Variants in SCOC observed in about 807,000 individuals in gnomAD.
The protein encoded by SCOC is short coiled-coil protein, also known as short coiled coil protein.
SCOC carries 7 observed loss-of-function variants against 9.9 expected under a neutral mutation model. That is an observed-to-expected ratio of 0.71 (90% confidence interval 0.40 to 1.33). SCOC has a LOEUF of 1.33. Among genes scored for constraint, SCOC ranks in the 40% most tolerant of loss-of-function variants. SCOC has a pLI of 0.01. For missense variants in SCOC, 66 were observed against 89.7 expected (o/e 0.74, Z 1.07); for synonymous variants, 19 against 28.2 (o/e 0.67, Z 1.03).
chr4:140,288,957 T>C (rs1398131699), intron 1 of SCOC, among the ~76,000 whole-genome samples: 1 of 151,886 alleles, frequency 6.6e-6, no homozygotes, highest in Non-Finnish European at 1.5e-5. Context: ...ACCACATACC[T>C]GATCACACAA....
intron 1 of SCOC, among the ~76,000 whole-genome samples, chr4:140,278,131 T>C (rs1459517984): frequency 1.3e-5 from 2 of 152,222 alleles, no homozygotes; most frequent in Admixed American, 6.5e-5. Context: ...GGATAATTTA[T>C]AAACAGCGGA....
chr4:140,322,399 G>C (rs1327228547), intron 1 of SCOC, among the ~76,000 whole-genome samples: 1 of 152,142 alleles, frequency 6.6e-6, no homozygotes, highest in Non-Finnish European at 1.5e-5. Context: ...TACTCAAGTG[G>C]TCATGAACGG....
intron 2 of SCOC, among the ~76,000 whole-genome samples, chr4:140,364,008 C>T (rs548028978): frequency 2.0e-5 from 3 of 151,984 alleles, no homozygotes; most frequent in South Asian, 4.2e-4. Flanking sequence ...GGTTGCCCAC[C>T]GTTTCAAGAT....
chr4:140,316,871 C>T (rs1732335845), intron 1 of SCOC, among the ~76,000 whole-genome samples: 1 of 152,150 alleles, frequency 6.6e-6, no homozygotes, highest in South Asian at 2.1e-4. Flanking sequence ...GCAAGCAATA[C>T]TAAATCTCTT....
intron 2 of SCOC, among the ~76,000 whole-genome samples, chr4:140,346,374 G>A (rs1726739666): frequency 6.6e-6 from 1 of 152,174 alleles, no homozygotes; most frequent in Admixed American, 6.6e-5. Context: ...AGGACCACTT[G>A]TTTCTAATTC....
chr4:140,366,455 G>A, intron 2 of SCOC: 1 of 1,530,068 alleles, frequency 6.5e-7, no homozygotes, highest in Non-Finnish European at 9.0e-7. Flanking sequence ...TTTGGGAGAA[G>A]CTTTTGGAGA....
At chr4:140,337,769 A>T (rs1048194759) in intron 1 of SCOC, among the ~76,000 whole-genome samples, 1 of 152,208 alleles carries the variant, frequency 6.6e-6, no homozygotes, top group African/African-American at 2.4e-5. Flanking sequence ...AGAATCTCTG[A>T]ATAGACCAAT....
intron 1 of SCOC, among the ~76,000 whole-genome samples, chr4:140,336,089 A>G (rs1732949317): frequency 6.6e-6 from 1 of 152,134 alleles, no homozygotes; most frequent in African/African-American, 2.4e-5. Context: ...TCTTCCGTTG[A>G]ATTTGAATTG....
intron 1 of SCOC, among the ~76,000 whole-genome samples, chr4:140,260,885 C>A (rs1488867804): frequency 1.3e-5 from 2 of 152,004 alleles, no homozygotes; most frequent in African/African-American, 2.4e-5. Context: ...ATTCCAGGAC[C>A]ATTTGCCATG....
chr4:140,359,563 T>C (rs1009363619), intron 2 of SCOC, among the ~76,000 whole-genome samples: 1 of 152,168 alleles, frequency 6.6e-6, no homozygotes, highest in Non-Finnish European at 1.5e-5. Context: ...TGTGAGGGCA[T>C]GTCAAGGGAT....
At chr4:140,303,918 A>G (rs1371574515) in intron 1 of SCOC, among the ~76,000 whole-genome samples, 1 of 152,230 alleles carries the variant, frequency 6.6e-6, no homozygotes, top group Non-Finnish European at 1.5e-5. Flanking sequence ...CGATTTGCTC[A>G]TTTAATCATT....
At chr4:140,291,362 C>T in intron 1 of SCOC, 2 of 455,086 alleles carry the variant, frequency 4.4e-6, no homozygotes, top group Non-Finnish European at 8.9e-6. Context: ...CACGTGGTGG[C>T]AGCCGCCTGG....
chr4:140,347,699 G>A (rs868749491), intron 2 of SCOC, among the ~76,000 whole-genome samples: 19 of 152,126 alleles, frequency 1.2e-4, no homozygotes, highest in African/African-American at 4.1e-4. Flanking sequence ...TTCAGGGCCA[G>A]GCAATGTGTA....
chr4:140,339,831 G>A (rs1479570196), upstream of SCOC, among the ~76,000 whole-genome samples: 1 of 152,160 alleles, frequency 6.6e-6, no homozygotes, highest in Non-Finnish European at 1.5e-5. Context: ...GGAGAAATAG[G>A]AACACTTTTA....
At chr4:140,279,644 G>A (rs751710559) in intron 1 of SCOC, among the ~76,000 whole-genome samples, 1 of 152,150 alleles carries the variant, frequency 6.6e-6, no homozygotes, top group Non-Finnish European at 1.5e-5. Context: ...AGAATAAAAA[G>A]GCCTGCTGCC....
intron 1 of SCOC, among the ~76,000 whole-genome samples, chr4:140,331,356 A>C (rs926417942): frequency 2.0e-5 from 3 of 152,080 alleles, no homozygotes; most frequent in African/African-American, 7.2e-5. Flanking sequence ...AGTTGCCCAT[A>C]GTTCCCAAGT....
At chr4:140,300,115 A>G (rs945539094) in intron 1 of SCOC, among the ~76,000 whole-genome samples, 4 of 152,184 alleles carry the variant, frequency 2.6e-5, no homozygotes, top group African/African-American at 9.7e-5. Context: ...TGGGTCCCGG[A>G]GACAAAGGCC....
At chr4:140,323,509 G>C (rs746304493) in intron 1 of SCOC, among the ~76,000 whole-genome samples, 1 of 150,614 alleles carries the variant, frequency 6.6e-6, no homozygotes, top group Non-Finnish European at 1.5e-5. Context: ...CCAAGAAAAA[G>C]AGAGTGAAGA....
At chr4:140,275,988 T>A (rs1415486563) in intron 1 of SCOC, among the ~76,000 whole-genome samples, 1 of 151,632 alleles carries the variant, frequency 6.6e-6, no homozygotes, top group Non-Finnish European at 1.5e-5. Flanking sequence ...TATGCCCGGC[T>A]AATTTTTGTA....
Sources: allele counts gnomAD v4.1 joint callset (sites outside exome capture counted in the v4.1 genomes callset), GRCh38; gene constraint gnomAD v4.1.1; transcripts MANE v1.5; gene names NCBI Gene and HGNC (gene_info 2026-07-23, HGNC 2026-07-21).